The following UACA variants were observed in gnomAD, a reference collection of about 807,000 sequenced individuals.
The protein encoded by UACA is nuclear membrane binding protein.
A neutral mutation model predicts 160.5 loss-of-function variants in UACA; 112 were observed. The observed-to-expected ratio is 0.70, with a 90% CI of 0.60 to 0.82. The LOEUF is 0.82. Ranked by LOEUF, UACA falls within the 40% of genes least tolerant of loss-of-function variation. The probability of loss-of-function intolerance (pLI) is 0.00; values close to 1 mark genes in which losing one functional copy is unlikely to be tolerated. For missense variants in UACA, 1,574 were observed against 1,614.6 expected (o/e 0.97, Z 0.43); for synonymous variants, 557 against 568.4 (o/e 0.98, Z 0.29).
chr15:70,702,233 A>C, intron 1 of UACA: 1 of 1,079,468 alleles, frequency 9.3e-7, no homozygotes, highest in South Asian at 3.6e-5. Flanking sequence ...CCTTTGAGGG[A>C]CCCCACTGGA....
chr15:70,659,790 T>C (rs1335717368), intron 18 of UACA, among the ~76,000 whole-genome samples: 1 of 152,090 alleles, frequency 6.6e-6, no homozygotes, highest in Non-Finnish European at 1.5e-5. Context: ...TGTACTTTTC[T>C]AGTATTCAAA....
At chr15:70,758,195 A>G (rs776147114) in intron 1 of UACA, 12 of 152,200 alleles carry the variant, frequency 7.9e-5, no homozygotes, top group Non-Finnish European at 8.8e-5. Context: ...TGGTATTACA[A>G]TAAAATTCAG....
At chr15:70,706,947 C>A (rs907828028) in intron 1 of UACA, among the ~76,000 whole-genome samples, 2 of 152,148 alleles carry the variant, frequency 1.3e-5, no homozygotes, top group African/African-American at 2.4e-5. Flanking sequence ...TAAATCCTAA[C>A]ATTCACATGG....
chr15:70,678,260 T>TA, intron 10 of UACA, 54 bp from the exon 11 acceptor site: 1 of 1,351,322 alleles, frequency 7.4e-7, no homozygotes, highest in Non-Finnish European at 1.0e-6. Context: ...AGCAAATTCT[T>TA]AAAGGAGAAA....
chr15:70,693,616 G>A (rs1898018645), intron 3 of UACA, among the ~76,000 whole-genome samples: 2 of 152,040 alleles, frequency 1.3e-5, no homozygotes, highest in Non-Finnish European at 2.9e-5. Context: ...AACACGGTAT[G>A]TTGGGGTGCA....
At chr15:70,690,543 G>T in intron 4 of UACA, 32 bp from the exon 5 acceptor site, 2 of 1,563,070 alleles carry the variant, frequency 1.3e-6, no homozygotes, top group Non-Finnish European at 1.8e-6. Context: ...AGTAAAGTAG[G>T]AGAGTTTTAT....
chr15:70,683,832 T>C (rs534484695), intron 8 of UACA, among the ~76,000 whole-genome samples: 20 of 151,880 alleles, frequency 1.3e-4, no homozygotes, highest in Non-Finnish European at 2.2e-4. Flanking sequence ...TGTATGTTCC[T>C]GTTTTTTTTA....
chr15:70,751,496 G>A (rs764578413), intron 1 of UACA, among the ~76,000 whole-genome samples: 17 of 152,198 alleles, frequency 1.1e-4, no homozygotes, highest in African/African-American at 2.4e-4. Flanking sequence ...ATAAAGCACC[G>A]TATTAATATG....
intron 1 of UACA, among the ~76,000 whole-genome samples, chr15:70,707,128 AC>A (rs1490348304): frequency 6.6e-6 from 1 of 152,154 alleles, no homozygotes; most frequent in East Asian, 1.9e-4. Flanking sequence ...CCACAGATAA[AC>A]CCTCATGTAA....
intron 2 of UACA, among the ~76,000 whole-genome samples, chr15:70,698,944 C>T (rs1187871630): frequency 6.6e-6 from 1 of 152,066 alleles, no homozygotes; most frequent in Non-Finnish European, 1.5e-5. Flanking sequence ...AACAGTTCTC[C>T]TCAGTAACAA....
At chr15:70,694,903 G>A in intron 3 of UACA, 114 bp downstream of exon 3, 1 of 884,108 alleles carries the variant, frequency 1.1e-6, no homozygotes, top group Admixed American at 2.2e-5. Context: ...TTTAAAAACA[G>A]AAAATTGAGG....
At chr15:70,774,478 G>A in the UACA span, among the ~76,000 whole-genome samples, 7 of 149,956 alleles carry the variant, frequency 4.7e-5, no homozygotes, top group East Asian at 3.9e-4. Context: ...CCCAGGAGGC[G>A]GAGCTTGCAG....
At chr15:70,717,268 C>T (rs1322971803) in intron 1 of UACA, among the ~76,000 whole-genome samples, 1 of 152,190 alleles carries the variant, frequency 6.6e-6, no homozygotes, top group Non-Finnish European at 1.5e-5. Context: ...AATGTCTAAT[C>T]AGTATACATT....
intron 18 of UACA, among the ~76,000 whole-genome samples, chr15:70,659,562 G>A (rs1042739407): frequency 4.2e-4 from 63 of 150,788 alleles, no homozygotes; most frequent in African/African-American, 1.4e-3. Flanking sequence ...TGCTGCTCAC[G>A]GGGTTTCTAC....
intron 1 of UACA, among the ~76,000 whole-genome samples, chr15:70,713,932 A>G (rs1045159442): frequency 6.6e-6 from 1 of 152,172 alleles, no homozygotes; most frequent in African/African-American, 2.4e-5. Flanking sequence ...AGAGTTTCAT[A>G]AAGTCACCAT....
chr15:70,671,644 T>C (rs1897144293), intron 14 of UACA: 1 of 190,022 alleles, frequency 5.3e-6, no homozygotes. Flanking sequence ...TATGTTTATG[T>C]TCTTTCCATA....
intron 17 of UACA, 84 bp from the exon 18 acceptor site, chr15:70,660,300 A>G: frequency 8.7e-7 from 1 of 1,142,864 alleles, no homozygotes; most frequent in Non-Finnish European, 1.3e-6. Flanking sequence ...TCATGCTACA[A>G]AACTATTATT....
In UACA at chr15:70,669,172, C is replaced by T. The variant is rs200898543; in HGVS notation, c.1512G>A (p.Lys504=). Residue 504 remains lysine, a synonymous_variant, in exon 16 of 19, where the codon AAG becomes AAA. Transcript: ENST00000322954. ...CTTTACCTTCTGACTCATACATCCT[C>T]TTCTGCACATCTTTTAATGCATCTT... The part of the protein sequence containing the change: ...QLEDALKDVQ[K]RMYESEGKVK... The T allele has an allele frequency of 3.1e-6, 5 of 1,613,954 alleles. No homozygotes were observed. Among genetic ancestry groups the T allele is most frequent in the Non-Finnish European group, 4.2e-6 (5 of 1,180,010 alleles).
At chr15:70,711,545 T>C (rs564150197) in intron 1 of UACA, among the ~76,000 whole-genome samples, 2 of 151,468 alleles carry the variant, frequency 1.3e-5, no homozygotes, top group South Asian at 2.1e-4. Context: ...TAAACACCTA[T>C]GCGCAAAGGG....
Sources: gnomAD v4.1 joint callset for allele counts (sites outside exome capture counted in the v4.1 genomes callset) on GRCh38, gnomAD v4.1.1 for gene constraint, MANE v1.5 for transcripts, NCBI Gene and HGNC (gene_info 2026-07-23, HGNC 2026-07-21) for gene names.